Variants in ZBTB20 observed in about 807,000 individuals in gnomAD.
The protein encoded by ZBTB20 is zinc finger and BTB domain-containing protein 20.
ZBTB20 carries 9 observed loss-of-function variants against 56.9 expected under a neutral mutation model. The ratio of observed to expected loss-of-function variants is 0.16; its 90% CI spans 0.10 to 0.28. ZBTB20 has a LOEUF of 0.28. Ranked by LOEUF, ZBTB20 falls within the 10% of genes least tolerant of loss-of-function variation. The probability of loss-of-function intolerance (pLI) is 1.00; values close to 1 mark genes in which losing one functional copy is unlikely to be tolerated. For missense variants in ZBTB20, 655 were observed against 1,003.0 expected (o/e 0.65, Z 4.69); for synonymous variants, 417 against 420.7 (o/e 0.99, Z 0.11).
chr3:114,999,865 T>C (rs1007164565), intron 2 of ZBTB20, among the ~76,000 whole-genome samples: 1 of 151,754 alleles, frequency 6.6e-6, no homozygotes, highest in African/African-American at 2.4e-5. Flanking sequence ...ACAATAGAAA[T>C]AATAAAACAA....
At chr3:114,796,107 C>T (rs1218957145) in intron 5 of ZBTB20, among the ~76,000 whole-genome samples, 1 of 151,882 alleles carries the variant, frequency 6.6e-6, no homozygotes, top group South Asian at 2.1e-4. Context: ...TTGGAGGCTA[C>T]AAGTCCAAAA....
At chr3:115,122,658 T>C (rs993205285) in intron 1 of ZBTB20, among the ~76,000 whole-genome samples, 1 of 152,120 alleles carries the variant, frequency 6.6e-6, no homozygotes, top group South Asian at 2.1e-4. Context: ...ATTGAACATT[T>C]GTCTATGAAG....
intron 1 of ZBTB20, among the ~76,000 whole-genome samples, chr3:115,111,004 A>AT: frequency 1.1e-5 from 1 of 89,642 alleles, no homozygotes; most frequent in East Asian, 2.6e-4. Flanking sequence ...AAATAAAAAT[A>AT]AAAATAAATA....
chr3:114,814,015 TA>T (rs2072751955), intron 4 of ZBTB20, among the ~76,000 whole-genome samples: 1 of 151,922 alleles, frequency 6.6e-6, no homozygotes. Flanking sequence ...TTTATCTTGA[TA>T]TTTACATTAT....
chr3:115,112,392 T>C (rs2083904086), intron 1 of ZBTB20, among the ~76,000 whole-genome samples: 1 of 152,130 alleles, frequency 6.6e-6, no homozygotes, highest in Non-Finnish European at 1.5e-5. Flanking sequence ...TACTCTGCTA[T>C]TGAACATTAG....
At chr3:114,466,959 T>A (rs2092579871) in intron 7 of ZBTB20, among the ~76,000 whole-genome samples, 1 of 152,204 alleles carries the variant, frequency 6.6e-6, no homozygotes, top group Admixed American at 6.5e-5. Flanking sequence ...CGGTGGACAC[T>A]GACAAAGTTA....
chr3:114,420,216 T>C lies in ZBTB20; in HGVS notation c.-254-31111A>G, dbSNP rs1638927939. Among the ~76,000 whole-genome samples, 6 of 152,172 alleles carry C rather than the reference T, an allele frequency of 3.9e-5. No individual in the cohort carries two copies. In the South Asian group the frequency reaches 1.0e-3, roughly 26 times the overall value. ...CAATTAGCATCTCTATAGATAGATA[T>C]GGGGAAGCCCAGGAGAGCTGGGGGT... On this transcript the variant is annotated intron_variant, in intron 7 of 11. Transcript: ENST00000675478.
chr3:114,869,055 T>C (rs1448470990), intron 4 of ZBTB20, among the ~76,000 whole-genome samples: 1 of 152,134 alleles, frequency 6.6e-6, no homozygotes, highest in Non-Finnish European at 1.5e-5. Flanking sequence ...TGGAACCTCC[T>C]CATTTTTTCT....
chr3:114,719,853 TC>T (rs2108488336), intron 5 of ZBTB20, among the ~76,000 whole-genome samples: 1 of 152,164 alleles, frequency 6.6e-6, no homozygotes, highest in Admixed American at 6.6e-5. Flanking sequence ...TTAAGATTCT[TC>T]CTGTCAGTAT....
intron 7 of ZBTB20, among the ~76,000 whole-genome samples, chr3:114,415,489 A>G (rs1470988990): frequency 1.3e-5 from 2 of 152,060 alleles, no homozygotes; most frequent in Non-Finnish European, 2.9e-5. Flanking sequence ...ACTCCTTTCA[A>G]ATCTAAAGTT....
intron 6 of ZBTB20, among the ~76,000 whole-genome samples, chr3:114,595,293 C>T (rs1198111832): frequency 1.3e-5 from 2 of 152,188 alleles, no homozygotes; most frequent in South Asian, 4.1e-4. Context: ...GTTAGCCCTA[C>T]AAAAGGCTGG....
intron 3 of ZBTB20, among the ~76,000 whole-genome samples, chr3:114,948,575 C>A (rs2076962076): frequency 1.4e-5 from 2 of 145,750 alleles, no homozygotes; most frequent in Non-Finnish European, 2.9e-5. Context: ...TAGCAAGATT[C>A]CTGGCCAAGG....
intron 7 of ZBTB20, among the ~76,000 whole-genome samples, chr3:114,496,923 A>T (rs1377274811): frequency 6.6e-6 from 1 of 152,118 alleles, no homozygotes; most frequent in Non-Finnish European, 1.5e-5. Context: ...CCTCCCTCAC[A>T]CCCACTATGG....
intron 6 of ZBTB20, among the ~76,000 whole-genome samples, chr3:114,622,524 G>A (rs2058389076): frequency 6.6e-6 from 1 of 152,138 alleles, no homozygotes; most frequent in African/African-American, 2.4e-5. Context: ...TAGGAATTGT[G>A]ATAGGAAGCT....
chr3:114,576,690 T>C (rs2054095353), intron 6 of ZBTB20, among the ~76,000 whole-genome samples: 2 of 151,770 alleles, frequency 1.3e-5, no homozygotes, highest in South Asian at 4.2e-4. Context: ...TGAATGTTTT[T>C]CAGAAAAACA....
chr3:114,670,189 C>A (rs2061286132), intron 6 of ZBTB20, among the ~76,000 whole-genome samples: 2 of 151,994 alleles, frequency 1.3e-5, no homozygotes, highest in Admixed American at 1.3e-4. Flanking sequence ...TCTGCAATTA[C>A]CCTCTTGTGT....
intron 2 of ZBTB20, among the ~76,000 whole-genome samples, chr3:114,995,312 G>A (rs747186479): frequency 5.3e-4 from 80 of 151,864 alleles, no homozygotes; most frequent in Admixed American, 2.3e-3. Context: ...CATTAATTTC[G>A]TGCCTTATTA....
chr3:115,105,600 G>A (rs1038423522), intron 1 of ZBTB20, among the ~76,000 whole-genome samples: 1 of 151,958 alleles, frequency 6.6e-6, no homozygotes, highest in African/African-American at 2.4e-5. Flanking sequence ...CTCTCAATAC[G>A]TTCAATTTAA....
rs2078659446 is a variant in ZBTB20, at chr3:114,315,734, A to C, written c.*23271T>G. The C allele has an allele frequency of 1.3e-5, 2 of 151,668 alleles. No individual in the cohort carries two copies. The highest frequency in any genetic ancestry group is 2.9e-5 in the Non-Finnish European group (2 of 67,914). 9.4% of individuals were successfully genotyped at this position (151,668 alleles called of 1,614,324 possible). A position where few individuals can be genotyped will look rare whatever the true frequency, so the allele number is the denominator to read the frequency against. On this transcript the variant is annotated 3_prime_UTR_variant, in exon 12 of 12. Coordinates refer to ENST00000675478, the MANE Select transcript of ZBTB20 (RefSeq NM_001348800.3). ...ATCACAACACTGCGGCGGGAAAATCAGGAAATGGGTTCACCTTTCAGCAGT... is the reference window on the plus strand; with the variant it reads ...ATCACAACACTGCGGCGGGAAAATCCGGAAATGGGTTCACCTTTCAGCAGT...
Sources: allele counts gnomAD v4.1 joint callset (sites outside exome capture counted in the v4.1 genomes callset), GRCh38; gene constraint gnomAD v4.1.1; transcripts MANE v1.5; gene names NCBI Gene and HGNC (gene_info 2026-07-23, HGNC 2026-07-21).